ARL15: variants seen among roughly 807,000 people sequenced by gnomAD.
The protein encoded by ARL15 is ARF like GTPase 15.
ARL15 carries 19 observed loss-of-function variants against 25.2 expected under a neutral mutation model. The observed-to-expected ratio is 0.75, with a 90% confidence interval of 0.53 to 1.10. ARL15 has a LOEUF of 1.10. ARL15 is among the 50% of genes least tolerant of loss of function. The pLI is 0.00. For synonymous variants in ARL15, 94 were observed against 86.8 expected, an observed-to-expected ratio of 1.08 and a Z score of -0.46; for missense variants, 220 against 246.0, an observed-to-expected ratio of 0.89 and a Z score of 0.71.
intron 4 of ARL15, among the ~76,000 whole-genome samples, chr5:53,935,138 G>A (rs1356376628): frequency 6.6e-6 from 1 of 152,168 alleles, no homozygotes; most frequent in Non-Finnish European, 1.5e-5. Context: ...AGTAAATAAT[G>A]AAATCAATAA....
At chr5:53,941,040 T>C (rs1168855451) in intron 4 of ARL15, among the ~76,000 whole-genome samples, 1 of 152,192 alleles carries the variant, frequency 6.6e-6, no homozygotes, top group Non-Finnish European at 1.5e-5. Context: ...TTTTATTACT[T>C]ATTATTATAA....
At chr5:53,938,212 GGA>G (rs1229204662) in intron 4 of ARL15, among the ~76,000 whole-genome samples, 1 of 150,264 alleles carries the variant, frequency 6.7e-6, no homozygotes, top group Non-Finnish European at 1.5e-5. Context: ...GGTTAAAAAA[GGA>G]GTTTATCCAT....
At chr5:54,051,309 G>C (rs545161523) in intron 4 of ARL15, among the ~76,000 whole-genome samples, 14 of 152,094 alleles carry the variant, frequency 9.2e-5, no homozygotes, top group African/African-American at 3.4e-4. Flanking sequence ...TCTCAAAGTC[G>C]CAAGACTAAT....
At chr5:54,009,496 A>C (rs1330876270) in intron 4 of ARL15, among the ~76,000 whole-genome samples, 1 of 152,180 alleles carries the variant, frequency 6.6e-6, no homozygotes, top group Non-Finnish European at 1.5e-5. Context: ...TTTGTATTAC[A>C]TTTGCTAGGT....
intron 4 of ARL15, among the ~76,000 whole-genome samples, chr5:53,945,851 C>T (rs1179448361): frequency 6.6e-6 from 1 of 152,140 alleles, no homozygotes; most frequent in Non-Finnish European, 1.5e-5. Flanking sequence ...AAGGACCTTG[C>T]AGGCCAGGCC....
At position 54,154,592 on chromosome 5, in the gene ARL15, T is replaced by C. The variant is rs1754166413; in HGVS notation, c.241A>G (p.Lys81Glu). The change falls in exon 3 of 5, where the codon AAA becomes GAA. Residue 81 changes from lysine (K) to glutamate (E), a missense_variant. Physicochemically the swap from Lys to Glu is moderately conservative, Grantham distance 56 (BLOSUM62 1). Transcript: ENST00000504924. ...TGAAATGTTATACCTCCAAGTTCTT[T>C]TACATTCAAGATGGCATTCTGGAAT... ...VPFQNAILNV[K>E]ELGGADNIRK... 6.5e-7 allele frequency: 1 copy of C among 1,528,336 alleles called. No homozygotes were observed. Among genetic ancestry groups the C allele is most frequent in the Non-Finnish European group, 8.8e-7 (1 of 1,138,968 alleles). 94.7% of individuals were successfully genotyped at this position (1,528,336 alleles called of 1,614,324 possible).
intron 3 of ARL15, among the ~76,000 whole-genome samples, chr5:54,152,284 T>G (rs942635903): frequency 6.6e-5 from 10 of 152,198 alleles, no homozygotes; most frequent in Admixed American, 5.9e-4. Flanking sequence ...TACACCTTAT[T>G]TTGGGATGAT....
intron 4 of ARL15, among the ~76,000 whole-genome samples, chr5:54,010,112 T>C (rs1284133327): frequency 3.3e-5 from 5 of 152,090 alleles, no homozygotes; most frequent in Non-Finnish European, 4.4e-5. Flanking sequence ...AGGAAAGCCC[T>C]CCCGAAAAAC....
At chr5:54,061,954 C>T (rs1306405827) in intron 4 of ARL15, among the ~76,000 whole-genome samples, 1 of 152,234 alleles carries the variant, frequency 6.6e-6, no homozygotes, top group African/African-American at 2.4e-5. Flanking sequence ...TGCAAAGCCA[C>T]AGGGGCAGAG....
intron 1 of ARL15, among the ~76,000 whole-genome samples, chr5:54,187,447 C>G (rs1423199766): frequency 2.6e-5 from 4 of 152,198 alleles, no homozygotes; most frequent in Non-Finnish European, 4.4e-5. Flanking sequence ...CAGAACTTAT[C>G]TAGTACTACA....
intron 4 of ARL15, among the ~76,000 whole-genome samples, chr5:53,972,787 C>T (rs1747794771): frequency 6.6e-6 from 1 of 152,002 alleles, no homozygotes; most frequent in South Asian, 2.1e-4. Context: ...ATTAGTCTCA[C>T]CCTCCAATAT....
intron 1 of ARL15, among the ~76,000 whole-genome samples, chr5:54,303,324 C>A (rs761100373): frequency 3.9e-5 from 6 of 152,082 alleles, no homozygotes; most frequent in Non-Finnish European, 8.8e-5. Context: ...GAGATTGAGA[C>A]CAGCCTGGGC....
At chr5:53,903,140 G>A (rs1177293570) in intron 4 of ARL15, among the ~76,000 whole-genome samples, 1 of 152,130 alleles carries the variant, frequency 6.6e-6, no homozygotes, top group Non-Finnish European at 1.5e-5. Flanking sequence ...GACTAGTTGA[G>A]CTCAGTACAA....
intron 4 of ARL15, among the ~76,000 whole-genome samples, chr5:54,068,913 TTAA>T (rs1211279591): frequency 6.6e-6 from 1 of 152,218 alleles, no homozygotes; most frequent in Non-Finnish European, 1.5e-5. Context: ...TTTAGGTAAC[TTAA>T]TAATGCCAGT....
At chr5:54,073,643 G>A (rs1457625609) in intron 4 of ARL15, among the ~76,000 whole-genome samples, 2 of 152,216 alleles carry the variant, frequency 1.3e-5, no homozygotes, top group East Asian at 1.9e-4. Flanking sequence ...AAAGACCAGT[G>A]TCTCTGTGAT....
intron 1 of ARL15, among the ~76,000 whole-genome samples, chr5:54,254,373 G>C (rs1213494167): frequency 1.3e-5 from 2 of 152,096 alleles, no homozygotes; most frequent in Non-Finnish European, 2.9e-5. Context: ...TTAGCTATTC[G>C]AAGCTTATTT....
chr5:54,289,692 G>C (rs531241010), intron 1 of ARL15, among the ~76,000 whole-genome samples: 2 of 152,268 alleles, frequency 1.3e-5, no homozygotes, highest in South Asian at 2.1e-4. Context: ...GTAGGAGCTT[G>C]GGCAAGTTGC....
chr5:54,086,072 G>A (rs979200535), intron 4 of ARL15, among the ~76,000 whole-genome samples: 10 of 151,920 alleles, frequency 6.6e-5, no homozygotes, highest in African/African-American at 9.7e-5. Context: ...GCGCCACCAC[G>A]CCTGGCTAAT....
intron 4 of ARL15, among the ~76,000 whole-genome samples, chr5:53,935,358 C>G (rs1746320516): frequency 6.6e-6 from 1 of 152,168 alleles, no homozygotes; most frequent in Admixed American, 6.5e-5. Flanking sequence ...AAGTTGTTGA[C>G]TTGAATAACA....
Sources: gnomAD v4.1 joint callset for allele counts (sites outside exome capture counted in the v4.1 genomes callset) on GRCh38, gnomAD v4.1.1 for gene constraint, MANE v1.5 for transcripts, NCBI Gene and HGNC (gene_info 2026-07-23, HGNC 2026-07-21) for gene names.